CNTNAP2: variants seen among roughly 807,000 people sequenced by gnomAD.
The protein encoded by CNTNAP2 is contactin associated protein 2, also known as contactin-associated protein-like 2.
Under a neutral mutation model 155.2 loss-of-function variants are expected in CNTNAP2, and 98 were observed. That is an observed-to-expected ratio of 0.63 (90% CI 0.54 to 0.75). CNTNAP2 has a LOEUF of 0.75. Among genes scored for constraint, CNTNAP2 ranks in the 30% least tolerant of loss-of-function variants. CNTNAP2 has a pLI of 0.00. For missense variants in CNTNAP2, 1,727 were observed against 1,688.1 expected (o/e 1.02, Z -0.40); for synonymous variants, 651 against 631.2 (o/e 1.03, Z -0.47).
intron 3 of CNTNAP2, among the ~76,000 whole-genome samples, chr7:146,840,989 C>A (rs1585116942): frequency 6.6e-6 from 1 of 152,252 alleles, no homozygotes; most frequent in East Asian, 1.9e-4. Context: ...GGGAAAAATG[C>A]CTCTTTCTAA....
chr7:146,818,145 A>G (rs1355324873), intron 2 of CNTNAP2, among the ~76,000 whole-genome samples: 1 of 152,092 alleles, frequency 6.6e-6, no homozygotes, highest in African/African-American at 2.4e-5. Context: ...TAAAGATTCT[A>G]TTGATTCTTG....
At chr7:146,571,858 A>G (rs750984216) in intron 1 of CNTNAP2, among the ~76,000 whole-genome samples, 1 of 151,656 alleles carries the variant, frequency 6.6e-6, no homozygotes. Context: ...CAGGTTCCCG[A>G]GTAGCTGGGA....
At position 146,472,165 on chromosome 7, in the gene CNTNAP2, TG is replaced by T. The variant is rs1584940967; in HGVS notation, c.98-302103del. 2.0e-5 allele frequency among the ~76,000 whole-genome samples: 3 copies of T among 152,216 alleles called. No individual in the cohort carries two copies. The South Asian group carries it at 6.2e-4, about 32-fold the overall frequency. On this transcript the variant is annotated intron_variant, in intron 1 of 23. Coordinates refer to ENST00000361727, the MANE Select transcript of CNTNAP2 (RefSeq NM_014141.6). ...TGTTTCAGGTAGTTCTGTTTCACAG[TG>T]GGTGGATATGACTACACAGTTCCAC...
chr7:147,468,362 G>A (rs1415006275), intron 10 of CNTNAP2, among the ~76,000 whole-genome samples: 1 of 152,118 alleles, frequency 6.6e-6, no homozygotes, highest in African/African-American at 2.4e-5. Flanking sequence ...GTATACTTTT[G>A]ATATTACTTG....
chr7:147,411,012 C>G (rs1797093638), intron 10 of CNTNAP2, among the ~76,000 whole-genome samples: 2 of 152,142 alleles, frequency 1.3e-5, no homozygotes, highest in Admixed American at 1.3e-4. Context: ...TAGGACTCAA[C>G]AAGTTGTCCT....
chr7:146,277,203 T>G (rs1408187223), intron 1 of CNTNAP2, among the ~76,000 whole-genome samples: 2 of 152,172 alleles, frequency 1.3e-5, no homozygotes, highest in Non-Finnish European at 2.9e-5. Context: ...CCCTGGAGAC[T>G]TCAGAGGGAG....
chr7:147,084,715 TATA>T (rs1306837072), intron 4 of CNTNAP2, among the ~76,000 whole-genome samples: 1 of 147,748 alleles, frequency 6.8e-6, no homozygotes, highest in Non-Finnish European at 1.5e-5. Context: ...ATATATAATA[TATA>T]ATGCTGTATG....
At chr7:148,283,308 G>A (rs10274307) in intron 21 of CNTNAP2, among the ~76,000 whole-genome samples, 27,610 of 60,122 alleles carry the variant, frequency 0.46, 6,156 homozygotes, top group East Asian at 0.66. Flanking sequence ...AGAAAGAAAG[G>A]AAGGAAGGAA....
chr7:146,792,902 ATGT>A (rs1426061713), intron 2 of CNTNAP2, among the ~76,000 whole-genome samples: 1 of 152,210 alleles, frequency 6.6e-6, no homozygotes, highest in African/African-American at 2.4e-5. Flanking sequence ...TGTTCAGAAC[ATGT>A]TGTAGTCTAT....
intron 19 of CNTNAP2, among the ~76,000 whole-genome samples, chr7:148,226,428 G>GTC (rs1313435132): frequency 6.6e-6 from 1 of 151,900 alleles, no homozygotes; most frequent in Non-Finnish European, 1.5e-5. Flanking sequence ...TTGCTAAACT[G>GTC]TCTCTCTCTA....
chr7:147,026,997 C>G (rs1406367999), intron 3 of CNTNAP2, among the ~76,000 whole-genome samples: 1 of 90,214 alleles, frequency 1.1e-5, no homozygotes, highest in East Asian at 2.7e-4. Context: ...CAAAACAAAA[C>G]AGAACAGAAA....
Position 146,261,446 on chromosome 7 carries a change from A to G in CNTNAP2, c.97+144473A>G, listed in dbSNP as rs184807786. Among the ~76,000 whole-genome samples the G allele has an allele frequency of 4.2e-3, 640 of 151,936 alleles. 7 individuals are homozygous for G. Among genetic ancestry groups the G allele is most frequent in the African/African-American group, 0.015 (612 of 41,460 alleles). On this transcript the variant is annotated intron_variant, in intron 1 of 23. Coordinates refer to ENST00000361727, the MANE Select transcript of CNTNAP2 (RefSeq NM_014141.6). ...CTATATCCCAAATACACATGCAATT[A>G]TAATAAATAATATAGAATTTATAGT...
intron 13 of CNTNAP2, among the ~76,000 whole-genome samples, chr7:147,889,397 A>G (rs1351645550): frequency 1.3e-5 from 2 of 152,104 alleles, no homozygotes; most frequent in Non-Finnish European, 2.9e-5. Context: ...TAAAAACATT[A>G]AGGACACCAC....
chr7:146,780,715 C>T (rs1354455865), intron 2 of CNTNAP2, among the ~76,000 whole-genome samples: 3 of 152,022 alleles, frequency 2.0e-5, no homozygotes, highest in African/African-American at 7.2e-5. Flanking sequence ...AGTTCATGTC[C>T]TTTGCAGGGA....
At chr7:147,793,914 C>A (rs851694) in intron 13 of CNTNAP2, among the ~76,000 whole-genome samples, 1 of 151,536 alleles carries the variant, frequency 6.6e-6, no homozygotes, top group Admixed American at 6.6e-5. Flanking sequence ...ATTTTATTAT[C>A]TTTGATGCTG....
At chr7:147,069,654 A>G (rs1329538079) in intron 4 of CNTNAP2, among the ~76,000 whole-genome samples, 1 of 152,174 alleles carries the variant, frequency 6.6e-6, no homozygotes, top group Non-Finnish European at 1.5e-5. Flanking sequence ...TAAAGATATA[A>G]AAGCTGGCCC....
At chr7:147,065,908 A>G (rs537481102) in intron 4 of CNTNAP2, among the ~76,000 whole-genome samples, 2 of 152,192 alleles carry the variant, frequency 1.3e-5, no homozygotes. Flanking sequence ...AGGAAAATTA[A>G]GAAAATAAAG....
At chr7:146,363,394 C>A (rs1366886550) in intron 1 of CNTNAP2, among the ~76,000 whole-genome samples, 2 of 152,198 alleles carry the variant, frequency 1.3e-5, no homozygotes, top group Middle Eastern at 3.4e-3. Flanking sequence ...TGCATAAGCA[C>A]CATAAAATGG....
chr7:147,311,472 T>C (rs1554467550), intron 9 of CNTNAP2, among the ~76,000 whole-genome samples: 6 of 152,112 alleles, frequency 3.9e-5, no homozygotes, highest in Non-Finnish European at 1.5e-5. Flanking sequence ...CTGGCTCTCT[T>C]ACTCCTGCTG....
Sources: allele counts gnomAD v4.1 joint callset (sites outside exome capture counted in the v4.1 genomes callset), GRCh38; gene constraint gnomAD v4.1.1; transcripts MANE v1.5; gene names NCBI Gene and HGNC (gene_info 2026-07-23, HGNC 2026-07-21).